LYRM4: variants seen among roughly 807,000 people sequenced by gnomAD.
LYRM4 encodes the protein LYR motif-containing protein 4.
In LYRM4, 9 loss-of-function variants were observed where a neutral mutation model predicts 11.7. The observed-to-expected ratio is 0.77, with a 90% CI of 0.46 to 1.34. LYRM4 has a LOEUF of 1.34. LYRM4 is among the 40% of genes most tolerant of loss of function. The pLI, the probability that LYRM4 is intolerant of heterozygous loss-of-function variation, is 0.00. For missense variants in LYRM4, 133 were observed against 112.5 expected (o/e 1.18, Z -0.82); for synonymous variants, 42 against 40.4 (o/e 1.04, Z -0.15).
chr6:5,113,095 A>C (rs1762957022), intron 2 of LYRM4: 1 of 215,268 alleles, frequency 4.6e-6, no homozygotes, highest in Non-Finnish European at 9.5e-6. Flanking sequence ...AAGGCGAAGA[A>C]GAGGTGGAGA....
Position 5,109,484 on chromosome 6 carries a change from A to G in LYRM4, c.215T>C (p.Ile72Thr), listed in dbSNP as rs748527056. The change falls in exon 3 of 3, where the codon ATT becomes ACT. Residue 72 changes from isoleucine (I) to threonine (T), a missense_variant. Ile to Thr is a moderately conservative substitution (Grantham distance 89). Coordinates refer to ENST00000330636, the MANE Select transcript of LYRM4 (RefSeq NM_020408.6). ...CTTGTCAGTTGAATACAGTTGGCCA[A>G]TGTGGACCTGAAGGCAAAGAAAGGA... Reference protein sequence around the residue: ...DLGVIRRQVHIGQLYSTDKLI... With the variant: ...DLGVIRRQVHTGQLYSTDKLI... 4.2e-5 allele frequency: 67 copies of G among 1,613,944 alleles called. No homozygotes were observed. The highest frequency in any genetic ancestry group is 5.2e-5 in the Non-Finnish European group (61 of 1,179,926).
At chr6:5,111,137 T>C (rs901079136) in intron 2 of LYRM4, among the ~76,000 whole-genome samples, 2 of 152,138 alleles carry the variant, frequency 1.3e-5, no homozygotes, top group African/African-American at 2.4e-5. Context: ...TTTGTTTTCA[T>C]ATATTAACCT....
intron 1 of LYRM4, among the ~76,000 whole-genome samples, chr6:5,245,990 C>T (rs1764179302): frequency 6.6e-6 from 1 of 152,118 alleles, no homozygotes; most frequent in African/African-American, 2.4e-5. Context: ...ATCCCAAAAA[C>T]AATAAGAAAC....
chr6:5,123,105 G>A (rs1581321581), intron 2 of LYRM4, among the ~76,000 whole-genome samples: 1 of 152,196 alleles, frequency 6.6e-6, no homozygotes, highest in Admixed American at 6.5e-5. Context: ...CAGAAGTCAG[G>A]CTGAAGGGAG....
At chr6:5,232,145 A>G (rs963146996) in intron 1 of LYRM4, among the ~76,000 whole-genome samples, 2 of 152,240 alleles carry the variant, frequency 1.3e-5, no homozygotes, top group Non-Finnish European at 2.9e-5. Flanking sequence ...TGCAGTCTCA[A>G]AAAAAACTGT....
At chr6:5,215,209 C>T (rs557474414) in intron 2 of LYRM4, among the ~76,000 whole-genome samples, 12 of 152,042 alleles carry the variant, frequency 7.9e-5, no homozygotes, top group African/African-American at 2.7e-4. Context: ...GTTTTGCCAA[C>T]CTCTACACAG....
At chr6:5,256,491 GAAAAAAAAAAAAA>G (rs1161084364) in intron 1 of LYRM4, among the ~76,000 whole-genome samples, 2 of 43,880 alleles carry the variant, frequency 4.6e-5, no homozygotes, top group African/African-American at 1.5e-4. Flanking sequence ...ATTTCAACTG[GAAAAAAAAAAAAA>G]AAAAAAAAAA....
At chr6:5,186,845 G>A (rs533408225) in intron 2 of LYRM4, 15 of 513,404 alleles carry the variant, frequency 2.9e-5, no homozygotes, top group Admixed American at 5.8e-5. Context: ...TTAGCCAGGC[G>A]TGGTGGCGTG....
chr6:5,198,643 G>A (rs1761210666), intron 2 of LYRM4, among the ~76,000 whole-genome samples: 1 of 152,184 alleles, frequency 6.6e-6, no homozygotes, highest in Non-Finnish European at 1.5e-5. Context: ...TCATTGCCCA[G>A]TAATACCCAT....
chr6:5,093,092 T>C, the LYRM4 span, among the ~76,000 whole-genome samples: 1 of 152,216 alleles, frequency 6.6e-6, no homozygotes, highest in African/African-American at 2.4e-5. Flanking sequence ...TAGAAAGGTC[T>C]GTGAGTCCCC....
chr6:5,157,235 G>A (rs1367325896), intron 2 of LYRM4, among the ~76,000 whole-genome samples: 2 of 152,170 alleles, frequency 1.3e-5, no homozygotes, highest in Non-Finnish European at 2.9e-5. Flanking sequence ...AACCTAGTGT[G>A]GCGAAAGTTA....
chr6:5,118,094 A>ATATATATT lies in LYRM4; in HGVS notation c.208-8604_208-8603insAATATATA. The stretch of plus-strand genomic sequence containing the variant: ...TCACCAAAACAATATATATATATAT[A>ATATATATT]TTTTTGTTTTGTTTTGTTTTGTTTT... On this transcript the variant is annotated intron_variant, in intron 2 of 2. Transcript: ENST00000330636. 1.6e-4 allele frequency among the ~76,000 whole-genome samples: 14 copies of ATATATATT among 86,126 alleles called. No homozygotes were observed. The South Asian group carries it at 3.0e-3, about 19-fold the overall frequency. 56.5% of individuals were successfully genotyped at this position (86,126 alleles called of 152,430 possible). A position where few individuals can be genotyped will look rare whatever the true frequency, so the allele number is the denominator to read the frequency against.
the LYRM4 span, among the ~76,000 whole-genome samples, chr6:5,035,143 G>A: frequency 7.6e-3 from 1,154 of 152,150 alleles, 16 homozygotes; most frequent in African/African-American, 0.026. Flanking sequence ...GCTTTCTCCA[G>A]GAGAAATAGC....
At chr6:5,115,293 A>T (rs951929138) in intron 2 of LYRM4, among the ~76,000 whole-genome samples, 1 of 152,198 alleles carries the variant, frequency 6.6e-6, no homozygotes, top group Non-Finnish European at 1.5e-5. Context: ...ACTTTCCAGA[A>T]GGTCTGTTTG....
At position 5,199,344 on chromosome 6, in the gene LYRM4, T is replaced by C. The variant is rs73363058; in HGVS notation, c.207+17274A>G. Reference sequence around the variant, plus strand: ...ACAGAGATAGAAAGTAGACTGATGATTGGCTAGGGCTAGGGAAGAGTGGGT... The same window carrying C: ...ACAGAGATAGAAAGTAGACTGATGACTGGCTAGGGCTAGGGAAGAGTGGGT... On this transcript the variant is annotated intron_variant, in intron 2 of 2. Transcript: ENST00000330636. 1.1e-3 allele frequency among the ~76,000 whole-genome samples: 175 copies of C among 152,258 alleles called. 3 individuals carry two copies. The highest frequency in any genetic ancestry group is 3.8e-3 in the African/African-American group (157 of 41,550).
At chr6:5,174,848 G>T (rs973886517) in intron 2 of LYRM4, among the ~76,000 whole-genome samples, 11 of 152,100 alleles carry the variant, frequency 7.2e-5, no homozygotes, top group Admixed American at 7.2e-4. Context: ...GAATATAAAA[G>T]ATAAGCAAGG....
chr6:5,096,718 C>T, the LYRM4 span, among the ~76,000 whole-genome samples: 1 of 152,166 alleles, frequency 6.6e-6, no homozygotes, highest in Non-Finnish European at 1.5e-5. Flanking sequence ...GGCGGTAACT[C>T]CTGCCTAATA....
At chr6:5,103,697 C>T (rs1342533808), downstream of LYRM4, 2 of 141,170 alleles carry the variant, frequency 1.4e-5, no homozygotes, top group South Asian at 2.2e-4. Context: ...AGTTCAGTGG[C>T]GTGATCCCGG....
chr6:5,243,622 G>A (rs1160177498), intron 1 of LYRM4, among the ~76,000 whole-genome samples: 2 of 80,128 alleles, frequency 2.5e-5, no homozygotes, highest in East Asian at 3.5e-4. Context: ...TATATGAAGC[G>A]TTTGAGAGAC....
Sources: gnomAD v4.1 joint callset for allele counts (sites outside exome capture counted in the v4.1 genomes callset) on GRCh38, gnomAD v4.1.1 for gene constraint, MANE v1.5 for transcripts, NCBI Gene and HGNC (gene_info 2026-07-23, HGNC 2026-07-21) for gene names.